The following CREB3L2 variants were observed in gnomAD, a reference collection of about 807,000 sequenced individuals.
The protein encoded by CREB3L2 is cyclic AMP-responsive element-binding protein 3-like protein 2.
In CREB3L2, 23 loss-of-function variants were observed where a neutral mutation model predicts 57.2. The observed-to-expected ratio is 0.40, with a 90% CI of 0.29 to 0.57. The LOEUF is 0.57. Ranked by LOEUF, CREB3L2 falls within the 20% of genes least tolerant of loss-of-function variation. CREB3L2 has a pLI of 0.42. For synonymous variants in CREB3L2, 268 were observed against 265.1 expected (o/e 1.01, Z -0.11); for missense variants, 628 against 634.7 (o/e 0.99, Z 0.11).
rs563844138 is a variant in CREB3L2 at position 137,967,705 on chromosome 7, C to G, written c.102+33899G>C. On this transcript the variant is annotated intron_variant, in intron 1 of 11. Transcript: ENST00000330387. ...TGTTCCTGTGGCCCCTGCTCCCGAT[C>G]GCTGGAAACTGACTCACAAGTTTCC... Among the ~76,000 whole-genome samples the G allele has an allele frequency of 9.8e-5, 15 of 152,308 alleles. No individual in the cohort carries two copies. In the South Asian group the frequency reaches 2.9e-3, roughly 29 times the overall value.
At position 137,876,469 on chromosome 7, in the gene CREB3L2, G is replaced by A. The variant is rs1024899534; in HGVS notation, c.*4007C>T. ...CCCTTCTATTCCCCAATATTCCCTAGGGCCTCAGGCAACACTCTTCCTTAT... is the reference window on the plus strand; with the variant it reads ...CCCTTCTATTCCCCAATATTCCCTAAGGCCTCAGGCAACACTCTTCCTTAT... On this transcript the variant is annotated 3_prime_UTR_variant, in exon 12 of 12. Coordinates refer to ENST00000330387, the MANE Select transcript of CREB3L2 (RefSeq NM_194071.4). 4.3e-6 allele frequency: 1 copy of A among 232,236 alleles called. No homozygotes were observed. Among genetic ancestry groups the A allele is most frequent in the Non-Finnish European group, 8.5e-6 (1 of 117,752 alleles). The allele number at this position is 232,236 out of a possible 1,614,324, so 14.4% of individuals were successfully genotyped here. A position where few individuals can be genotyped will look rare whatever the true frequency, so the allele number is the denominator to read the frequency against.
chr7:137,902,842 A>T (rs554243470), intron 7 of CREB3L2, among the ~76,000 whole-genome samples: 1 of 151,986 alleles, frequency 6.6e-6, no homozygotes, highest in East Asian at 1.9e-4. Context: ...TTTGAGACAG[A>T]GTCTCACTCT....
chr7:137,964,580 G>A (rs75645503), intron 1 of CREB3L2, among the ~76,000 whole-genome samples: 2,974 of 152,286 alleles, frequency 0.02, 114 homozygotes, highest in African/African-American at 0.068. Context: ...TGTGCCTCCT[G>A]CACTCCCACA....
intron 1 of CREB3L2, among the ~76,000 whole-genome samples, chr7:137,939,396 T>C (rs1324343802): frequency 1.3e-5 from 2 of 152,046 alleles, no homozygotes; most frequent in African/African-American, 4.8e-5. Context: ...TTCTAATTGT[T>C]CCCCAAAAAT....
chr7:137,938,829 G>A (rs1800836301), intron 1 of CREB3L2, among the ~76,000 whole-genome samples: 1 of 152,020 alleles, frequency 6.6e-6, no homozygotes, highest in African/African-American at 2.4e-5. Context: ...ATGGCCTATA[G>A]CAGTTATTAG....
intron 1 of CREB3L2, 43 bp from the exon 2 acceptor site, chr7:137,928,409 T>C (rs1800530549): frequency 6.7e-7 from 1 of 1,501,466 alleles, no homozygotes. Flanking sequence ...CTCTTAACCA[T>C]AATGTGACAG....
intron 1 of CREB3L2, among the ~76,000 whole-genome samples, chr7:137,992,982 G>C (rs1801927076): frequency 6.6e-6 from 1 of 152,208 alleles, no homozygotes; most frequent in South Asian, 2.1e-4. Flanking sequence ...CAGTAAACAA[G>C]AGAAAAGAAA....
intron 10 of CREB3L2, among the ~76,000 whole-genome samples, chr7:137,883,514 T>A (rs1799343798): frequency 6.6e-6 from 1 of 152,236 alleles, no homozygotes; most frequent in East Asian, 1.9e-4. Context: ...AGGGTTCATA[T>A]GCCTTTTCCT....
chr7:137,879,250 C>G lies in CREB3L2; in HGVS notation c.*1226G>C, dbSNP rs1799231180. 1 of 535,064 alleles carries G rather than the reference C, an allele frequency of 1.9e-6. No individual in the cohort carries two copies. Among genetic ancestry groups the G allele is most frequent in the Admixed American group, 2.2e-5 (1 of 44,978 alleles). 33.1% of individuals were successfully genotyped at this position (535,064 alleles called of 1,614,324 possible). On this transcript the variant is annotated 3_prime_UTR_variant, in exon 12 of 12. Coordinates refer to ENST00000330387, the MANE Select transcript of CREB3L2 (RefSeq NM_194071.4). The stretch of plus-strand genomic sequence containing the variant: ...CGAGCTGCAAAGTAGCCAAACCTGA[C>G]TACCAAAGGTAAGAATGTGGATACA...
At chr7:137,912,375 CAAAA>C (rs1323783918) in intron 4 of CREB3L2, among the ~76,000 whole-genome samples, 2 of 69,796 alleles carry the variant, frequency 2.9e-5, no homozygotes, top group Non-Finnish European at 3.1e-5. Context: ...GACTCTGTCT[CAAAA>C]AAAAAAAAAA....
intron 1 of CREB3L2, among the ~76,000 whole-genome samples, chr7:137,997,046 C>G (rs140947103): frequency 1.3e-5 from 2 of 152,150 alleles, no homozygotes; most frequent in Admixed American, 6.5e-5. Context: ...AACCTCTCCC[C>G]CTAAAGCCTC....
chr7:137,896,793 A>C (rs188289707), intron 8 of CREB3L2, among the ~76,000 whole-genome samples: 273 of 152,328 alleles, frequency 1.8e-3, no homozygotes, highest in African/African-American at 6.3e-3. Context: ...GGCACAGAGT[A>C]CAGGGAAGGA....
chr7:137,951,909 A>G (rs1801110437), intron 1 of CREB3L2, among the ~76,000 whole-genome samples: 1 of 152,096 alleles, frequency 6.6e-6, no homozygotes, highest in African/African-American at 2.4e-5. Context: ...AGGATCGCTT[A>G]AGCCCAGGAG....
At chr7:137,950,959 T>C (rs999964061) in intron 1 of CREB3L2, among the ~76,000 whole-genome samples, 3 of 152,160 alleles carry the variant, frequency 2.0e-5, no homozygotes, top group Non-Finnish European at 4.4e-5. Flanking sequence ...TGTGTCTAAT[T>C]GATAAAATGT....
At chr7:137,920,670 C>A (rs1207545621) in intron 2 of CREB3L2, among the ~76,000 whole-genome samples, 2 of 152,200 alleles carry the variant, frequency 1.3e-5, no homozygotes, top group African/African-American at 4.8e-5. Context: ...ATTCTCTAAA[C>A]CATCAACTAT....
At chr7:137,963,004 C>G (rs766658219) in intron 1 of CREB3L2, among the ~76,000 whole-genome samples, 3 of 152,202 alleles carry the variant, frequency 2.0e-5, no homozygotes, top group Admixed American at 6.5e-5. Flanking sequence ...CATCTGACAT[C>G]CCAGCAGTCC....
chr7:137,924,497 CAA>C (rs1800406248), intron 2 of CREB3L2, among the ~76,000 whole-genome samples: 1 of 152,190 alleles, frequency 6.6e-6, no homozygotes, highest in South Asian at 2.1e-4. Flanking sequence ...CTCATAAAGA[CAA>C]CCTCCATGTG....
chr7:137,880,530 C>A lies in CREB3L2; in HGVS notation c.1509G>T (p.Gly503=). 6.2e-7 allele frequency: 1 copy of A among 1,613,880 alleles called. No individual in the cohort carries two copies. Among genetic ancestry groups the A allele is most frequent in the Non-Finnish European group, 8.5e-7 (1 of 1,179,874 alleles). The part of the protein sequence containing the change: ...QQHLVSAKLE[G]NETLKVVELD... ...GTTCTACAACTTTTAGTGTTTCATT[C>A]CCCTCCAGTTTGGCGCTGACCCTGT... The change falls in exon 12 of 12, where the codon GGG becomes GGT. Residue 503 remains glycine, a synonymous_variant. Coordinates refer to ENST00000330387, the MANE Select transcript of CREB3L2 (RefSeq NM_194071.4). The surrounding 1 kb of genome is among the most constrained non-coding windows in gnomAD (Gnocchi z 4.0).
At chr7:137,977,809 T>C (rs978156611) in intron 1 of CREB3L2, among the ~76,000 whole-genome samples, 2 of 152,002 alleles carry the variant, frequency 1.3e-5, no homozygotes, top group African/African-American at 4.8e-5. Flanking sequence ...TAGTTCCAGT[T>C]ACTGGGGAGG....
Sources: allele counts gnomAD v4.1 joint callset (sites outside exome capture counted in the v4.1 genomes callset), GRCh38; gene constraint gnomAD v4.1.1; non-coding constraint Gnocchi (gnomAD v3.1); transcripts MANE v1.5; gene names NCBI Gene and HGNC (gene_info 2026-07-23, HGNC 2026-07-21).